Variants in CYRIA observed in about 807,000 individuals in gnomAD.
CYRIA encodes the protein CYFIP-related Rac1 interactor A.
A neutral mutation model predicts 43.9 loss-of-function variants in CYRIA; 15 were observed. The observed-to-expected ratio is 0.34, with a 90% CI of 0.23 to 0.53. The LOEUF is 0.53. Among genes scored for constraint, CYRIA ranks in the 20% least tolerant of loss-of-function variants. The pLI is 0.94. For missense variants in CYRIA, 236 were observed against 394.2 expected (o/e 0.60, Z 3.40); for synonymous variants, 117 against 136.0 (o/e 0.86, Z 0.97).
chr2:16,579,334 T>C (rs1667464756), intron 3 of CYRIA, among the ~76,000 whole-genome samples: 1 of 151,816 alleles, frequency 6.6e-6, no homozygotes, highest in Non-Finnish European at 1.5e-5. Context: ...AGAGACCTTG[T>C]TATGTGAGAA....
chr2:16,565,646 A>T lies in CYRIA; in HGVS notation c.192T>A (p.Asp64Glu). Residue 64 changes from aspartate to glutamate, a missense_variant and splice_region_variant, in exon 4 of 12, where the codon GAT becomes GAA. This residue lies in a region of CYRIA where 193 missense variants were observed against 303.9 expected (regional missense o/e 0.64). Transcript: ENST00000381323. ...CAGTTCAGCGTGATCATTGACATAC[A>T]TCTCGGATCTCTGGGCCTGCGCCTT... ...AYKGAGPEIR[D>E]AIQNPNDIQL... is the part of the protein sequence containing the mutation. The T allele has an allele frequency of 6.4e-7, 1 of 1,559,944 alleles. No homozygotes were observed. Among genetic ancestry groups the T allele is most frequent in the Non-Finnish European group, 8.8e-7 (1 of 1,141,288 alleles).
chr2:16,643,392 AT>A (rs1669732394), intron 1 of CYRIA, among the ~76,000 whole-genome samples: 1 of 152,170 alleles, frequency 6.6e-6, no homozygotes. Flanking sequence ...ATACTTCAAG[AT>A]GGGACAGTGT....
At chr2:16,606,234 C>T (rs760751646) in intron 2 of CYRIA, among the ~76,000 whole-genome samples, 7 of 152,188 alleles carry the variant, frequency 4.6e-5, no homozygotes, top group South Asian at 2.1e-4. Context: ...CATTATTATC[C>T]TCCCAGTGTC....
At chr2:16,563,582 C>T (rs1572459224) in intron 5 of CYRIA, among the ~76,000 whole-genome samples, 1 of 152,174 alleles carries the variant, frequency 6.6e-6, no homozygotes, top group African/African-American at 2.4e-5. Flanking sequence ...AATAATGTTA[C>T]ATTGTTTTTC....
intron 2 of CYRIA, among the ~76,000 whole-genome samples, chr2:16,592,483 A>G (rs1030605047): frequency 1.3e-5 from 2 of 152,062 alleles, no homozygotes; most frequent in African/African-American, 4.8e-5. Flanking sequence ...TAGAGGCGCA[A>G]GTCTTCCCTG....
chr2:16,563,891 G>T, intron 5 of CYRIA, 98 bp downstream of exon 5: 1 of 761,504 alleles, frequency 1.3e-6, no homozygotes. Context: ...GGATGGATGT[G>T]GGACATTTTC....
intron 3 of CYRIA, among the ~76,000 whole-genome samples, chr2:16,578,121 A>T (rs1421369910): frequency 6.6e-6 from 1 of 152,126 alleles, no homozygotes; most frequent in Non-Finnish European, 1.5e-5. Flanking sequence ...ACTGAGACAA[A>T]CTCTTCAGAT....
chr2:16,578,292 C>T (rs563557909), intron 3 of CYRIA, among the ~76,000 whole-genome samples: 3 of 152,158 alleles, frequency 2.0e-5, no homozygotes, highest in East Asian at 1.9e-4. Context: ...TCTGAGTGCA[C>T]GTATTATTCA....
At chr2:16,647,101 G>A (rs1033728034) in intron 1 of CYRIA, among the ~76,000 whole-genome samples, 7 of 152,034 alleles carry the variant, frequency 4.6e-5, no homozygotes, top group Non-Finnish European at 7.4e-5. Context: ...ATCTCCTATT[G>A]GTTCTATTTA....
chr2:16,623,594 T>C (rs1271487885), intron 2 of CYRIA, among the ~76,000 whole-genome samples: 1 of 152,108 alleles, frequency 6.6e-6, no homozygotes, highest in Non-Finnish European at 1.5e-5. Context: ...TAAATGATTC[T>C]GCAAGGAAAA....
intron 1 of CYRIA, among the ~76,000 whole-genome samples, chr2:16,632,289 C>T (rs1187046531): frequency 6.6e-6 from 1 of 152,188 alleles, no homozygotes; most frequent in Non-Finnish European, 1.5e-5. Flanking sequence ...TTGAGAAAGT[C>T]ATGTTCTTAT....
intron 1 of CYRIA, among the ~76,000 whole-genome samples, chr2:16,656,138 A>T (rs1178794448): frequency 1.3e-5 from 2 of 152,044 alleles, no homozygotes; most frequent in African/African-American, 4.8e-5. Flanking sequence ...AATGAAAAGG[A>T]TTCCCCCAAT....
chr2:16,602,781 C>T (rs1049159550), intron 2 of CYRIA, among the ~76,000 whole-genome samples: 3 of 152,148 alleles, frequency 2.0e-5, no homozygotes, highest in Non-Finnish European at 4.4e-5. Context: ...CATGCTCTCT[C>T]CATTAATACA....
At position 16,583,937 on chromosome 2, in the gene CYRIA, G is replaced by A. The variant is rs182040537; in HGVS notation, c.70+4113C>T. On this transcript the variant is annotated intron_variant, in intron 3 of 11. Transcript: ENST00000381323. ...CCTAAGGACAGATGTGTCTAATTTT[G>A]TATTGTTTTGACCCAGCTTAATTAT... is the stretch of plus-strand genomic sequence containing the variant. 1.4e-3 allele frequency among the ~76,000 whole-genome samples: 209 copies of A among 152,268 alleles called. 1 individual carries two copies. Among genetic ancestry groups the A allele is most frequent in the Non-Finnish European group, 2.2e-3 (153 of 68,004 alleles).
chr2:16,633,366 G>A (rs553862791), intron 1 of CYRIA, among the ~76,000 whole-genome samples: 1 of 152,004 alleles, frequency 6.6e-6, no homozygotes, highest in South Asian at 2.1e-4. Flanking sequence ...CTTTCTGTCT[G>A]TGCCACTCAG....
chr2:16,641,830 G>A (rs17644413), intron 1 of CYRIA, among the ~76,000 whole-genome samples: 42,987 of 152,102 alleles, frequency 0.28, 7,084 homozygotes, highest in Non-Finnish European at 0.39. Flanking sequence ...AGAGGACATG[G>A]TGATCTCCAC....
chr2:16,576,086 G>A (rs1009564506), intron 3 of CYRIA, among the ~76,000 whole-genome samples: 2 of 152,004 alleles, frequency 1.3e-5, no homozygotes, highest in Non-Finnish European at 2.9e-5. Flanking sequence ...GTCTTTATAA[G>A]CAGCATGAAA....
intron 2 of CYRIA, among the ~76,000 whole-genome samples, chr2:16,602,233 A>G (rs1668240078): frequency 6.6e-6 from 1 of 152,210 alleles, no homozygotes; most frequent in African/African-American, 2.4e-5. Context: ...AGATTTTCTT[A>G]TCATTTTGAA....
intron 3 of CYRIA, among the ~76,000 whole-genome samples, chr2:16,587,463 C>G (rs992811368): frequency 6.6e-6 from 1 of 151,892 alleles, no homozygotes; most frequent in Non-Finnish European, 1.5e-5. Context: ...TTGATCACTT[C>G]TAAAATCAAA....
Sources: gnomAD v4.1 joint callset for allele counts (sites outside exome capture counted in the v4.1 genomes callset) on GRCh38, gnomAD v4.1.1 for gene constraint, gnomAD v4.1.1 regional missense constraint, MANE v1.5 for transcripts, NCBI Gene and HGNC (gene_info 2026-07-23, HGNC 2026-07-21) for gene names.